CACNA2D3: variants seen among roughly 807,000 people sequenced by gnomAD.
CACNA2D3 encodes the protein calcium voltage-gated channel auxiliary subunit alpha2delta 3.
A neutral mutation model predicts 160.6 loss-of-function variants in CACNA2D3; 60 were observed. The ratio of observed to expected loss-of-function variants is 0.37; its 90% CI spans 0.30 to 0.46. The LOEUF is 0.46. CACNA2D3 is among the 20% of genes least tolerant of loss of function. CACNA2D3 has a pLI of 1.00. For missense variants in CACNA2D3, 1,205 were observed against 1,365.0 expected (o/e 0.88, Z 1.85); for synonymous variants, 558 against 492.9 (o/e 1.13, Z -1.75).
chr3:54,627,902 C>G (rs1169360206), intron 10 of CACNA2D3, 26 bp downstream of exon 10: 9 of 1,467,064 alleles, frequency 6.1e-6, no homozygotes, highest in Non-Finnish European at 8.5e-6. Flanking sequence ...ATTTGCCTTT[C>G]TCATCCCTTG....
chr3:54,472,374 C>G (rs1315171760), intron 4 of CACNA2D3, among the ~76,000 whole-genome samples: 1 of 152,166 alleles, frequency 6.6e-6, no homozygotes, highest in Non-Finnish European at 1.5e-5. Context: ...TTTCAATAAA[C>G]TAGGTGTTGA....
intron 11 of CACNA2D3, among the ~76,000 whole-genome samples, chr3:54,726,513 A>T (rs953538770): frequency 6.6e-6 from 1 of 152,226 alleles, no homozygotes; most frequent in African/African-American, 2.4e-5. Flanking sequence ...TTCAAACTAT[A>T]CTACAAGACT....
chr3:54,660,367 A>G (rs1699946580), intron 11 of CACNA2D3, among the ~76,000 whole-genome samples: 1 of 151,956 alleles, frequency 6.6e-6, no homozygotes, highest in African/African-American at 2.4e-5. Flanking sequence ...TCACCGTATT[A>G]GCCAGGGTGG....
chr3:54,433,584 C>G (rs1700019405), intron 4 of CACNA2D3, among the ~76,000 whole-genome samples: 1 of 152,156 alleles, frequency 6.6e-6, no homozygotes, highest in South Asian at 2.1e-4. Context: ...CCTCTTGTAA[C>G]TAAAAACATT....
At chr3:54,809,201 C>T (rs1023015767) in intron 13 of CACNA2D3, among the ~76,000 whole-genome samples, 7 of 151,258 alleles carry the variant, frequency 4.6e-5, no homozygotes, top group South Asian at 2.1e-4. Context: ...CTTCTTTCTT[C>T]TCCTTCCTTT....
intron 3 of CACNA2D3, among the ~76,000 whole-genome samples, chr3:54,384,246 A>T (rs1699153311): frequency 6.6e-6 from 1 of 152,198 alleles, no homozygotes; most frequent in Non-Finnish European, 1.5e-5. Context: ...CACCATCAAA[A>T]ATCCATTTTT....
chr3:54,740,535 C>T (rs528211918), intron 11 of CACNA2D3, among the ~76,000 whole-genome samples: 102 of 152,068 alleles, frequency 6.7e-4, no homozygotes, highest in Admixed American at 2.2e-3. Flanking sequence ...AAAGTGAGCT[C>T]GTACAGATCA....
chr3:54,534,286 A>T (rs944816115), intron 5 of CACNA2D3, among the ~76,000 whole-genome samples: 10 of 152,198 alleles, frequency 6.6e-5, no homozygotes, highest in Admixed American at 6.5e-5. Context: ...TAAAATTTTT[A>T]AAATTGACAA....
chr3:54,652,417 C>T (rs1392186586), intron 11 of CACNA2D3, among the ~76,000 whole-genome samples: 1 of 152,062 alleles, frequency 6.6e-6, no homozygotes, highest in African/African-American at 2.4e-5. Flanking sequence ...ATGAAAAGAC[C>T]AAATCATTTA....
intron 11 of CACNA2D3, among the ~76,000 whole-genome samples, chr3:54,702,294 A>G (rs1417335214): frequency 6.6e-6 from 1 of 152,188 alleles, no homozygotes; most frequent in Non-Finnish European, 1.5e-5. Flanking sequence ...CTGCACAGCA[A>G]AAGAAGTTAT....
intron 4 of CACNA2D3, among the ~76,000 whole-genome samples, chr3:54,473,037 A>C (rs529971159): frequency 1.3e-5 from 2 of 150,862 alleles, no homozygotes; most frequent in African/African-American, 5.0e-5. Flanking sequence ...AACTACTTTA[A>C]ATTTTGTGTG....
chr3:54,695,839 A>G (rs911990113), intron 11 of CACNA2D3, among the ~76,000 whole-genome samples: 1 of 152,208 alleles, frequency 6.6e-6, no homozygotes, highest in Non-Finnish European at 1.5e-5. Context: ...TTGTTCACAA[A>G]TAATTTTCTC....
intron 4 of CACNA2D3, among the ~76,000 whole-genome samples, chr3:54,440,662 G>C (rs1575456005): frequency 1.3e-5 from 2 of 152,152 alleles, no homozygotes; most frequent in East Asian, 3.9e-4. Context: ...ACAGGCCCTG[G>C]TGTGCGATAT....
chr3:54,505,626 G>C (rs73841614), intron 5 of CACNA2D3, among the ~76,000 whole-genome samples: 4,847 of 152,220 alleles, frequency 0.032, 244 homozygotes, highest in African/African-American at 0.11. Flanking sequence ...CCAAAAGAAA[G>C]CCATCTTCTT....
chr3:54,583,429 A>G (rs1520576), intron 9 of CACNA2D3, among the ~76,000 whole-genome samples: 59,795 of 152,088 alleles, frequency 0.39, 12,185 homozygotes, highest in African/African-American at 0.48. Flanking sequence ...TATTCTGCCA[A>G]TATGGAGTAA....
intron 2 of CACNA2D3, among the ~76,000 whole-genome samples, chr3:54,194,129 C>A (rs1386562831): frequency 6.6e-6 from 1 of 151,898 alleles, no homozygotes; most frequent in Non-Finnish European, 1.5e-5. Flanking sequence ...TACAAACATA[C>A]AATTAAAAGG....
chr3:54,553,967 C>T (rs1575342128), intron 5 of CACNA2D3, among the ~76,000 whole-genome samples: 1 of 152,186 alleles, frequency 6.6e-6, no homozygotes. Flanking sequence ...GCATTGTTGG[C>T]AGGAAACTTG....
chr3:54,437,011 T>TA (rs555312926), intron 4 of CACNA2D3, among the ~76,000 whole-genome samples: 163 of 152,348 alleles, frequency 1.1e-3, no homozygotes, highest in African/African-American at 3.8e-3. Context: ...GAACATCTGT[T>TA]ACAGTAGGCT....
intron 27 of CACNA2D3, among the ~76,000 whole-genome samples, chr3:54,913,277 T>G (rs2222681): frequency 0.52 from 78,646 of 151,998 alleles, 20,814 homozygotes; most frequent in East Asian, 0.76. Flanking sequence ...GAAACGGGAT[T>G]TTACCATGTT....
Sources: allele counts gnomAD v4.1 joint callset (sites outside exome capture counted in the v4.1 genomes callset), GRCh38; gene constraint gnomAD v4.1.1; transcripts MANE v1.5; gene names NCBI Gene and HGNC (gene_info 2026-07-23, HGNC 2026-07-21).